Variants in ERMP1 observed in about 807,000 individuals in gnomAD.
ERMP1 encodes the protein Felix-ina.
ERMP1 carries 86 observed loss-of-function variants against 92.0 expected under a neutral mutation model. The observed-to-expected ratio is 0.93, with a 90% CI of 0.79 to 1.12. The LOEUF (loss-of-function observed/expected upper bound fraction) is 1.12. Among genes scored for constraint, ERMP1 ranks in the 50% most tolerant of loss-of-function variants. ERMP1 has a pLI of 0.00. For missense variants in ERMP1, 1,342 were observed against 1,116.3 expected (o/e 1.20, Z -2.88); for synonymous variants, 530 against 412.8 (o/e 1.28, Z -3.44).
At chr9:5,797,627 G>A (rs924761298) in intron 13 of ERMP1, among the ~76,000 whole-genome samples, 190 bp downstream of exon 13, 8 of 146,780 alleles carry the variant, frequency 5.5e-5, no homozygotes, top group Non-Finnish European at 1.0e-4. Flanking sequence ...TAGCCTGGGC[G>A]ACAGAGCGAG....
At chr9:5,805,820 C>T (rs1828849646) in intron 8 of ERMP1, 35 bp from the exon 9 acceptor site, 1 of 1,509,624 alleles carries the variant, frequency 6.6e-7, no homozygotes, top group Non-Finnish European at 8.9e-7. Context: ...TAGTCTCATT[C>T]AGGGGTCATG....
intron 6 of ERMP1, among the ~76,000 whole-genome samples, chr9:5,844,454 T>C (rs1037757087): frequency 1.7e-4 from 26 of 152,178 alleles, no homozygotes; most frequent in African/African-American, 6.3e-4. Flanking sequence ...TTTGTATTTT[T>C]AGTAGAGATG....
rs1830491512 is a variant in ERMP1, at chr9:5,861,411, T to G, written n.3056-1800A>C. On this transcript the variant is annotated intron_variant and non_coding_transcript_variant, in intron 5 of 6. Transcript: ENST00000690753. The stretch of plus-strand genomic sequence containing the variant: ...GTTGAGTTTTCAAAATCATACTTGC[T>G]GGGTTTTTTTTTACTATTTTATTGA... 2.0e-5 allele frequency among the ~76,000 whole-genome samples: 3 copies of G among 151,230 alleles called. No individual in the cohort carries two copies. The South Asian group carries it at 6.2e-4, about 31-fold the overall frequency.
chr9:5,826,425 T>C (rs1017769479), intron 2 of ERMP1, among the ~76,000 whole-genome samples: 3 of 152,202 alleles, frequency 2.0e-5, no homozygotes, highest in African/African-American at 4.8e-5. Flanking sequence ...GATACCTACC[T>C]CACAGGTTTA....
At chr9:5,862,491 C>A (rs150907440) in intron 5 of ERMP1, among the ~76,000 whole-genome samples, 2 of 152,148 alleles carry the variant, frequency 1.3e-5, no homozygotes, top group African/African-American at 4.8e-5. Flanking sequence ...TGCCACCATG[C>A]CCAGCTAATT....
At chr9:5,841,818 G>A (rs545642231) in intron 6 of ERMP1, among the ~76,000 whole-genome samples, 11 of 152,142 alleles carry the variant, frequency 7.2e-5, no homozygotes, top group African/African-American at 2.7e-4. Context: ...ATGAAGCTGT[G>A]GACCCTCGCG....
intron 10 of ERMP1, among the ~76,000 whole-genome samples, chr9:5,803,194 T>C (rs939056866): frequency 1.3e-5 from 2 of 152,212 alleles, no homozygotes; most frequent in African/African-American, 4.8e-5. Flanking sequence ...AAAACAGTCT[T>C]ACTCTATTAA....
In ERMP1 at chr9:5,823,966, A is replaced by C. The variant is rs1227314709; in HGVS notation, c.804T>G (p.Ala268=). ...GGTTAATGAATGCACGAATCAAGCT[A>C]GCCCAGGGGTGCTGAGTAATGAAAC... ...SHGFITQHPW[A]SLIRAFINLE... is the part of the protein sequence containing the mutation. The change falls in exon 4 of 15, where the codon GCT becomes GCG. Residue 268 remains alanine, a synonymous_variant. Coordinates refer to ENST00000339450, the MANE Select transcript of ERMP1 (RefSeq NM_024896.3). 5 of 1,614,172 alleles carry C rather than the reference A, an allele frequency of 3.1e-6. No homozygotes were observed. Among genetic ancestry groups the C allele is most frequent in the East Asian group, 4.5e-5 (2 of 44,886 alleles).
intron 5 of ERMP1, chr9:5,812,605 G>A (rs1191537510): frequency 1.1e-5 from 5 of 451,772 alleles, no homozygotes; most frequent in African/African-American, 5.9e-5. Flanking sequence ...AGACAACAAC[G>A]AAAGACCCCT....
intron 6 of ERMP1, among the ~76,000 whole-genome samples, chr9:5,850,782 G>A (rs1453680148): frequency 6.6e-6 from 1 of 152,172 alleles, no homozygotes; most frequent in East Asian, 1.9e-4. Flanking sequence ...CATGGCCATT[G>A]TGAACAGTGG....
At position 5,812,973 on chromosome 9, in the gene ERMP1, C is replaced by A. The variant is rs764363850; in HGVS notation, c.937G>T (p.Val313Leu). 6.2e-7 allele frequency: 1 copy of A among 1,614,058 alleles called. No homozygotes were observed. Residue 313 changes from valine to leucine, a missense_variant, in exon 5 of 15, where the codon GTG becomes TTG. By Grantham distance (32) the Val-to-Leu change is conservative. Coordinates refer to ENST00000339450, the MANE Select transcript of ERMP1 (RefSeq NM_024896.3). ...VSAAKHPFAS[V>L]VAQEVFQSGI... The stretch of plus-strand genomic sequence containing the variant: ...CTCTGAAAAACCTCCTGAGCCACCA[C>A]AGAAGCAAAAGGGTGTTTAGCTGCT...
rs776490244 is a variant in ERMP1 at position 5,787,217 on chromosome 9, G to A, written c.2642C>T (p.Ala881Val). 28 of 1,613,978 alleles carry A rather than the reference G, an allele frequency of 1.7e-5. No individual in the cohort carries two copies. Among genetic ancestry groups the A allele is most frequent in the Non-Finnish European group, 1.7e-6 (2 of 1,179,988 alleles). ...GEDKRSPQLD[A>V]LKEKFPDWTF... ...CCAATCTGGGAACTTTTCCTTCAGA[G>A]CATCCAGTTGAGGGGATCTCTTGTC... Residue 881 changes from alanine to valine, a missense_variant, in exon 15 of 15, where the codon GCT becomes GTT. Coordinates refer to ENST00000339450, the MANE Select transcript of ERMP1 (RefSeq NM_024896.3).
intron 13 of ERMP1, among the ~76,000 whole-genome samples, chr9:5,795,700 C>T (rs1051612521): frequency 1.5e-4 from 23 of 152,072 alleles, no homozygotes; most frequent in Admixed American, 1.3e-3. Flanking sequence ...ATCACTTGAA[C>T]CCAGGAGGCA....
chr9:5,857,394 C>G (rs1830390977), intron 6 of ERMP1, among the ~76,000 whole-genome samples: 1 of 152,108 alleles, frequency 6.6e-6, no homozygotes. Flanking sequence ...CGGCTGGGCA[C>G]GTGCACATCC....
intron 13 of ERMP1, among the ~76,000 whole-genome samples, chr9:5,788,008 CCTT>C (rs1828014967): frequency 1.3e-5 from 2 of 152,136 alleles, no homozygotes; most frequent in Admixed American, 1.3e-4. Flanking sequence ...TCATGTAACA[CCTT>C]AAAATATGTT....
intron 4 of ERMP1, among the ~76,000 whole-genome samples, chr9:5,821,650 A>G (rs2131259425): frequency 6.6e-6 from 1 of 152,344 alleles, no homozygotes; most frequent in Non-Finnish European, 1.5e-5. Context: ...GCATTAATAT[A>G]TATGTACATA....
chr9:5,865,167 C>T (rs1368120517), intron 5 of ERMP1, among the ~76,000 whole-genome samples: 1 of 152,112 alleles, frequency 6.6e-6, no homozygotes, highest in Non-Finnish European at 1.5e-5. Context: ...AAAATTTATA[C>T]ATATACATAT....
intron 5 of ERMP1, among the ~76,000 whole-genome samples, chr9:5,864,034 T>G (rs1395559596): frequency 6.6e-6 from 1 of 152,332 alleles, no homozygotes; most frequent in Non-Finnish European, 1.5e-5. Context: ...TACATTTCTG[T>G]TGTCTATGCC....
chr9:5,806,072 A>G lies in ERMP1; in HGVS notation c.1549-287T>C, dbSNP rs1200735545. ...GCTAAAAGTAGAAATTTTCCAAAAT[A>G]GAAGAAAGGACTCTCCTAAAAAACA... is the stretch of plus-strand genomic sequence containing the variant. On this transcript the variant is annotated intron_variant, in intron 8 of 14. Coordinates refer to ENST00000339450, the MANE Select transcript of ERMP1 (RefSeq NM_024896.3). 2.0e-5 allele frequency among the ~76,000 whole-genome samples: 3 copies of G among 152,236 alleles called. No individual in the cohort carries two copies. The East Asian group carries it at 5.8e-4, about 29-fold the overall frequency.
Sources: gnomAD v4.1 joint callset for allele counts (sites outside exome capture counted in the v4.1 genomes callset) on GRCh38, gnomAD v4.1.1 for gene constraint, MANE v1.5 for transcripts, NCBI Gene and HGNC (gene_info 2026-07-23, HGNC 2026-07-21) for gene names.